The following CDT1 variants were observed in gnomAD, a reference collection of about 807,000 sequenced individuals.
CDT1 encodes the protein chromatin licensing and DNA replication factor 1.
In CDT1, 66 loss-of-function variants were observed where a neutral mutation model predicts 49.3. That is an observed-to-expected ratio of 1.34 (90% CI 1.10 to 1.64). The LOEUF (loss-of-function observed/expected upper bound fraction) is 1.64, where lower values mean the gene tolerates loss of function less well. Ranked by LOEUF, CDT1 falls within the 40% of genes most tolerant of loss-of-function variation. The pLI, the probability that CDT1 is intolerant of heterozygous loss-of-function variation, is 0.00. For missense variants in CDT1, 958 were observed against 807.7 expected (o/e 1.19, Z -2.26); for synonymous variants, 424 against 347.4 (o/e 1.22, Z -2.45).
Position 88,806,546 on chromosome 16 carries a change from C to T in CDT1, c.994C>T (p.His332Tyr). ...GCCGGAGGACCAGCTGACCCGCTGG[C>T]ACCCGCGCTTCAACGTGGATGAAGT... ...VVPEDQLTRW[H>Y]PRFNVDEVPD... Residue 332 changes from histidine (H) to tyrosine (Y), a missense_variant, in exon 7 of 10, where the codon CAC becomes TAC. Coordinates refer to ENST00000301019, the MANE Select transcript of CDT1 (RefSeq NM_030928.4). 6.2e-7 allele frequency: 1 copy of T among 1,609,916 alleles called. No individual in the cohort carries two copies. Among genetic ancestry groups the T allele is most frequent in the South Asian group, 1.1e-5 (1 of 90,470 alleles).
intron 6 of CDT1, 165 bp from the exon 7 acceptor site, chr16:88,806,321 G>A (rs1176538835): frequency 5.9e-6 from 6 of 1,020,090 alleles, no homozygotes; most frequent in Admixed American, 2.0e-5. Context: ...CAGCGAGCGC[G>A]GACCATGGGA....
At position 88,804,749 on chromosome 16, in the gene CDT1, G is replaced by A. The variant is rs761817764; in HGVS notation, c.352-13G>A. ...CCTGCCTGACGGCACCGTGTCCCCT[G>A]ATCCCCCTGAAGGACACCATCTCTG... On this transcript the variant is annotated splice_polypyrimidine_tract_variant and intron_variant, in intron 2 of 9. Coordinates refer to ENST00000301019, the MANE Select transcript of CDT1 (RefSeq NM_030928.4). 9 of 1,612,684 alleles carry A rather than the reference G, an allele frequency of 5.6e-6. No homozygotes were observed. In the South Asian group the frequency reaches 8.8e-5, roughly 16 times the overall value.
At chr16:88,807,992 G>T in intron 9 of CDT1, 123 bp from the exon 10 acceptor site, 1 of 1,079,524 alleles carries the variant, frequency 9.3e-7, no homozygotes, top group Non-Finnish European at 1.4e-6. Flanking sequence ...CCTAAGTCCT[G>T]GTGATGGGGC....
At position 88,807,084 on chromosome 16, in the gene CDT1, T is replaced by C. The variant is rs1233698892; in HGVS notation, c.1156T>C (p.Ser386Pro). Residue 386 changes from serine to proline, a missense_variant, in exon 8 of 10, where the codon TCT (serine) becomes CCT (proline). Ser to Pro is a moderately conservative substitution (Grantham distance 74). Coordinates refer to ENST00000301019, the MANE Select transcript of CDT1 (RefSeq NM_030928.4). ...EKALSQLALR[S>P]AAPSSPGSPR... ...GGCCTTGAGTCAATTGGCCCTGCGC[T>C]CTGCTGCGCCCAGCAGCCCCGGGTC... 6.2e-7 allele frequency: 1 copy of C among 1,612,752 alleles called. No homozygotes were observed. Among genetic ancestry groups the C allele is most frequent in the Non-Finnish European group, 8.5e-7 (1 of 1,179,980 alleles).
Position 88,807,277 on chromosome 16 carries a change from G to A in CDT1, c.1276-4G>A, listed in dbSNP as rs1908895937. 6.2e-7 allele frequency: 1 copy of A among 1,611,820 alleles called. No homozygotes were observed. The highest frequency in any genetic ancestry group is 1.7e-5 in the Admixed American group (1 of 59,982). ...CACTAACCAGGTCCCGGTACCTGCT[G>A]CAGATCCGAGCCAAGGAGGCACAGA... On this transcript the variant is annotated splice_polypyrimidine_tract_variant and splice_region_variant and intron_variant, in intron 8 of 9. Transcript: ENST00000301019.
chr16:88,803,876 C>T lies in CDT1; in HGVS notation c.45C>T (p.Pro15=), dbSNP rs774050803. Residue 15 remains proline, a synonymous_variant, in exon 1 of 10, where the codon CCC becomes CCT. Coordinates refer to ENST00000301019, the MANE Select transcript of CDT1 (RefSeq NM_030928.4). ...RVTDFFARRR[P]GPPRIAPPKL... is the part of the protein sequence containing the mutation. Reference sequence around the variant, plus strand: ...CCGACTTCTTCGCGCGCCGCCGCCCCGGGCCCCCCCGCATCGCGCCGCCCA... The same window carrying T: ...CCGACTTCTTCGCGCGCCGCCGCCCTGGGCCCCCCCGCATCGCGCCGCCCA... 40 of 1,475,560 alleles carry T rather than the reference C, an allele frequency of 2.7e-5. No homozygotes were observed. Among genetic ancestry groups the T allele is most frequent in the Non-Finnish European group, 3.3e-5 (37 of 1,110,816 alleles). 91.4% of individuals were successfully genotyped at this position (1,475,560 alleles called of 1,614,324 possible). A position where few individuals can be genotyped will look rare whatever the true frequency, so the allele number is the denominator to read the frequency against.
chr16:88,806,998 C>T (rs1004860912), intron 7 of CDT1, 53 bp from the exon 8 acceptor site: 1 of 1,610,404 alleles, frequency 6.2e-7, no homozygotes, highest in Non-Finnish European at 8.5e-7. Flanking sequence ...GGCAGACAGC[C>T]AGGGGCACGT....
In CDT1 at chr16:88,804,042, C is replaced by A. The variant is rs780344447; in HGVS notation, c.211C>A (p.Arg71=). 7 of 1,450,962 alleles carry A rather than the reference C, an allele frequency of 4.8e-6. No homozygotes were observed. The South Asian group carries it at 5.4e-5, about 11-fold the overall frequency. 89.9% of individuals were successfully genotyped at this position (1,450,962 alleles called of 1,614,324 possible). ...QARPPARRRL[R]LSVDEVSSPS... is the part of the protein sequence containing the mutation. ...CAGGCCACCGGCCCGCAGGAGACTGCGGCTGTCGGTGGACGAGGTGAGGGG... is the reference window on the plus strand; with the variant it reads ...CAGGCCACCGGCCCGCAGGAGACTGAGGCTGTCGGTGGACGAGGTGAGGGG... Residue 71 remains arginine, a synonymous_variant, in exon 1 of 10, where the codon CGG becomes AGG. Coordinates refer to ENST00000301019, the MANE Select transcript of CDT1 (RefSeq NM_030928.4).
rs572508729 is a variant in CDT1 at position 88,808,481 on chromosome 16, G to A, written c.*203G>A. On this transcript the variant is annotated 3_prime_UTR_variant, in exon 10 of 10. Coordinates refer to ENST00000301019, the MANE Select transcript of CDT1 (RefSeq NM_030928.4). ...GGCCCCTTCATGGGGCTCACCTGGTGGATTCACATTAAACCGGTTTCTGTG... is the reference window on the plus strand; with the variant it reads ...GGCCCCTTCATGGGGCTCACCTGGTAGATTCACATTAAACCGGTTTCTGTG... 4 of 615,912 alleles carry A rather than the reference G, an allele frequency of 6.5e-6. No homozygotes were observed. The highest frequency in any genetic ancestry group is 6.0e-5 in the South Asian group (3 of 49,696). The allele number at this position is 615,912 out of a possible 1,614,324, so 38.2% of individuals were successfully genotyped here. A position where few individuals can be genotyped will look rare whatever the true frequency, so the allele number is the denominator to read the frequency against.
In CDT1 at chr16:88,804,795, C is replaced by T. The variant is rs757879446; in HGVS notation, c.385C>T (p.Arg129Trp). The T allele has an allele frequency of 1.2e-6, 2 of 1,612,780 alleles. No individual in the cohort carries two copies. Among genetic ancestry groups the T allele is most frequent in the South Asian group, 2.2e-5 (2 of 91,088 alleles). The change falls in exon 3 of 10, where the codon CGG becomes TGG. Residue 129 changes from arginine to tryptophan, a missense_variant. Arg to Trp is a moderately radical substitution (Grantham distance 101). Transcript: ENST00000301019. ...TISELASCLQ[R>W]ARELGARVRA... ...CTCTGAGCTTGCGTCATGCCTGCAA[C>T]GGGCCCGGGAGCTGGGGGCAAGAGT... is the stretch of plus-strand genomic sequence containing the variant.
At chr16:88,806,167 C>G (rs769205807) in intron 6 of CDT1, 46 bp downstream of exon 6, 4 of 1,455,960 alleles carry the variant, frequency 2.7e-6, no homozygotes, top group Non-Finnish European at 3.7e-6. Flanking sequence ...GGCACCAGCA[C>G]TGCCTCAGCA....
intron 6 of CDT1, 27 bp from the exon 7 acceptor site, chr16:88,806,459 G>T: frequency 6.2e-7 from 1 of 1,607,164 alleles, no homozygotes; most frequent in South Asian, 1.1e-5. Flanking sequence ...ATGTGCCCAG[G>T]GTCACCCATC....
chr16:88,808,544 C>A lies in CDT1; in HGVS notation c.*266C>A, dbSNP rs1908961402. On this transcript the variant is annotated 3_prime_UTR_variant, in exon 10 of 10. Coordinates refer to ENST00000301019, the MANE Select transcript of CDT1 (RefSeq NM_030928.4). ...CTTGCTGCTGGTGGGGAAGGGAAGC[C>A]AGATCCAGCACCCCCTGGGGGGCCA... 2 of 532,574 alleles carry A rather than the reference C, an allele frequency of 3.8e-6. No individual in the cohort carries two copies. Among genetic ancestry groups the A allele is most frequent in the Non-Finnish European group, 6.7e-6 (2 of 298,586 alleles). 33.0% of individuals were successfully genotyped at this position (532,574 alleles called of 1,614,324 possible).
At chr16:88,806,718 G>A (rs1316192889) in intron 7 of CDT1, 44 bp downstream of exon 7, 2 of 1,554,776 alleles carry the variant, frequency 1.3e-6, no homozygotes, top group African/African-American at 2.7e-5. Flanking sequence ...CCGGGTGGGT[G>A]GGCCAGCCTG....
At position 88,805,483 on chromosome 16, in the gene CDT1, C is replaced by T; in HGVS notation, c.532C>T (p.Gln178Ter). The T allele has an allele frequency of 6.2e-7, 1 of 1,612,840 alleles. No homozygotes were observed. Among genetic ancestry groups the T allele is most frequent in the Non-Finnish European group, 8.5e-7 (1 of 1,179,962 alleles). Residue 178 changes from glutamine to a stop codon, truncating the protein, a stop_gained, in exon 4 of 10, where the codon CAG (glutamine) becomes TAG (stop). Transcript: ENST00000301019. LOFTEE classifies it high-confidence loss of function. ...PAYQRFHALA[Q>*]PGLPGLVLPY... ...CTACCAGCGCTTCCATGCCCTGGCC[C>T]AGCCCGGCCTGCCGGGACTCGTGCT... is the stretch of plus-strand genomic sequence containing the variant.
At chr16:88,805,190 G>A (rs1447250631) in intron 3 of CDT1, among the ~76,000 whole-genome samples, 2 of 152,268 alleles carry the variant, frequency 1.3e-5, no homozygotes, top group African/African-American at 4.8e-5. Flanking sequence ...ACGAAACTGC[G>A]CTGGGGAGAG....
chr16:88,805,522 C>T lies in CDT1; in HGVS notation c.571C>T (p.Gln191Ter). ...GGGACTCGTGCTGCCCTACAAGTAC[C>T]AGGTGCTGGCGGAGATGTTCCGCAG... ...LPGLVLPYKYQVLAEMFRSMD... is the reference protein window; with the variant it reads ...LPGLVLPYKY Residue 191 changes from glutamine to a stop codon, truncating the protein, a stop_gained, in exon 4 of 10, where the codon CAG (glutamine) becomes TAG (stop). Coordinates refer to ENST00000301019, the MANE Select transcript of CDT1 (RefSeq NM_030928.4). LOFTEE classifies it high-confidence loss of function. 1.2e-6 allele frequency: 2 copies of T among 1,612,930 alleles called. No homozygotes were observed. The highest frequency in any genetic ancestry group is 1.6e-4 in the Middle Eastern group (1 of 6,062).
rs935099623 is a variant in CDT1, at chr16:88,808,658, C to T, written c.*380C>T. ...CAGGCCATCCCCTCTAATCTTGGAACCTCTGAATATGGGACCTCCCACAGC... is the reference window on the plus strand; with the variant it reads ...CAGGCCATCCCCTCTAATCTTGGAATCTCTGAATATGGGACCTCCCACAGC... On this transcript the variant is annotated 3_prime_UTR_variant, in exon 10 of 10. Transcript: ENST00000301019. 4 of 264,898 alleles carry T rather than the reference C, an allele frequency of 1.5e-5. No individual in the cohort carries two copies. The highest frequency in any genetic ancestry group is 9.9e-5 in the Admixed American group (2 of 20,112). The allele number at this position is 264,898 out of a possible 1,614,324, so 16.4% of individuals were successfully genotyped here.
intron 7 of CDT1, 74 bp from the exon 8 acceptor site, chr16:88,806,977 G>C: frequency 6.3e-7 from 1 of 1,576,320 alleles, no homozygotes. Context: ...GAGAGATACC[G>C]GGGACTCCTG....
Sources: gnomAD v4.1 joint callset for allele counts (sites outside exome capture counted in the v4.1 genomes callset) on GRCh38, gnomAD v4.1.1 for gene constraint, MANE v1.5 for transcripts, NCBI Gene and HGNC (gene_info 2026-07-23, HGNC 2026-07-21) for gene names.